Variants in ANK3 observed in about 807,000 individuals in gnomAD.
The protein encoded by ANK3 is ankyrin 3.
A neutral mutation model predicts 370.9 loss-of-function variants in ANK3; 57 were observed. That is an observed-to-expected ratio of 0.15 (90% CI 0.12 to 0.19). ANK3 has a LOEUF of 0.19. Ranked by LOEUF, ANK3 falls within the 10% of genes least tolerant of loss-of-function variation. The pLI, the probability that ANK3 is intolerant of heterozygous loss-of-function variation, is 1.00. For synonymous variants in ANK3, 1,929 were observed against 1,946.3 expected (o/e 0.99, Z 0.23); for missense variants, 4,439 against 5,302.1 (o/e 0.84, Z 5.06).
chr10:60,169,166 T>C (rs894554447), intron 21 of ANK3, among the ~76,000 whole-genome samples: 3 of 152,178 alleles, frequency 2.0e-5, no homozygotes, highest in Admixed American at 6.5e-5. Context: ...CCACCAACAG[T>C]GTAAAAGCAT....
chr10:60,229,501 C>G (rs543489773), intron 8 of ANK3, among the ~76,000 whole-genome samples: 2 of 152,062 alleles, frequency 1.3e-5, no homozygotes, highest in African/African-American at 4.8e-5. Context: ...TAGTATTTAA[C>G]CTGAGAAACA....
intron 1 of ANK3, among the ~76,000 whole-genome samples, chr10:60,693,882 G>C (rs1462934065): frequency 6.6e-6 from 1 of 152,114 alleles, no homozygotes; most frequent in African/African-American, 2.4e-5. Context: ...ACCAGCAATG[G>C]AACAAAGCTG....
At chr10:60,529,684 C>T (rs1371750586) in intron 2 of ANK3, among the ~76,000 whole-genome samples, 2 of 152,102 alleles carry the variant, frequency 1.3e-5, no homozygotes, top group Admixed American at 1.3e-4. Flanking sequence ...CAGCTAACAG[C>T]TTTTAGTCAT....
intron 2 of ANK3, among the ~76,000 whole-genome samples, chr10:60,516,268 G>T (rs1433425259): frequency 6.6e-6 from 1 of 152,076 alleles, no homozygotes; most frequent in Non-Finnish European, 1.5e-5. Flanking sequence ...AGAGAAAAAG[G>T]TATCAAGAAC....
chr10:60,547,661 A>T lies in ANK3; in HGVS notation c.96+67525T>A, dbSNP rs541072078. On this transcript the variant is annotated intron_variant, in intron 2 of 43. Transcript: ENST00000373827. ...GGGTGGGGAGGGTGGTGGTGGAGAC[A>T]GACAGAGAGACAGAGAGAGAGAGAC... 2.9e-3 allele frequency among the ~76,000 whole-genome samples: 376 copies of T among 127,504 alleles called. 2 individuals carry two copies. Among genetic ancestry groups the T allele is most frequent in the Non-Finnish European group, 4.3e-3 (251 of 58,944 alleles). The allele number at this position is 127,504 out of a possible 152,430, so 83.6% of individuals were successfully genotyped here. A position where few individuals can be genotyped will look rare whatever the true frequency, so the allele number is the denominator to read the frequency against.
intron 2 of ANK3, among the ~76,000 whole-genome samples, chr10:60,500,902 G>A (rs1017481037): frequency 6.6e-6 from 1 of 152,038 alleles, no homozygotes; most frequent in African/African-American, 2.4e-5. Context: ...TTTGATTGTG[G>A]TAATTATATC....
chr10:60,684,754 C>G lies in ANK3; in HGVS notation c.57+48509G>C. 7 of 1,570,712 alleles carry G rather than the reference C, an allele frequency of 4.5e-6. 1 individual carries two copies. The South Asian group carries it at 7.8e-5, about 17-fold the overall frequency. On this transcript the variant is annotated intron_variant, in intron 1 of 43. Transcript: ENST00000373827. ...TGTAGGTGGTCAGGAGAAATTAATG[C>G]CACTATGGAAGTCATATACCAGATG...
At chr10:60,641,648 T>A (rs1378710102) in intron 1 of ANK3, among the ~76,000 whole-genome samples, 2 of 152,120 alleles carry the variant, frequency 1.3e-5, no homozygotes, top group African/African-American at 4.8e-5. Context: ...GATTAAAGAC[T>A]TAAATGTTAG....
At chr10:60,591,362 T>C (rs2077911336) in intron 2 of ANK3, among the ~76,000 whole-genome samples, 1 of 150,732 alleles carries the variant, frequency 6.6e-6, no homozygotes, top group Non-Finnish European at 1.5e-5. Flanking sequence ...TGTGGCAGAG[T>C]CTTGCTCTGT....
At chr10:60,154,946 T>A (rs1323668210) in intron 23 of ANK3, among the ~76,000 whole-genome samples, 6 of 152,218 alleles carry the variant, frequency 3.9e-5, no homozygotes, top group Admixed American at 2.6e-4. Flanking sequence ...GTGTATATAG[T>A]TCTTTTGCCA....
chr10:60,440,674 CA>C (rs921533700), intron 2 of ANK3, among the ~76,000 whole-genome samples: 1 of 152,144 alleles, frequency 6.6e-6, no homozygotes, highest in African/African-American at 2.4e-5. Flanking sequence ...GACTCCCACC[CA>C]AGGATTCACT....
intron 1 of ANK3, among the ~76,000 whole-genome samples, chr10:60,298,533 T>C (rs1047242149): frequency 1.3e-5 from 2 of 152,210 alleles, no homozygotes; most frequent in African/African-American, 2.4e-5. Flanking sequence ...GGAACTTCTA[T>C]ATGATTCGTA....
At chr10:60,332,600 C>T (rs2051638921) in intron 1 of ANK3, among the ~76,000 whole-genome samples, 1 of 152,126 alleles carries the variant, frequency 6.6e-6, no homozygotes, top group Non-Finnish European at 1.5e-5. Context: ...TGTAAAGTGA[C>T]AACTGTCAGT....
Position 60,074,701 on chromosome 10 carries a change from A to G in ANK3, c.6180T>C (p.Gly2060=). ...KYKFEDAKKD[G]EERQKRVLKP... ...TTAAAACTCTTTTCTGTCTCTCCTCACCATCCTTCTTTGCATCCTCAAACT... is the reference window on the plus strand; with the variant it reads ...TTAAAACTCTTTTCTGTCTCTCCTCGCCATCCTTCTTTGCATCCTCAAACT... Residue 2060 remains glycine, a synonymous_variant, in exon 37 of 44, where the codon GGT becomes GGC. Coordinates refer to ENST00000280772, the MANE Select transcript of ANK3 (RefSeq NM_020987.5). The G allele has an allele frequency of 6.2e-7, 1 of 1,613,560 alleles. No homozygotes were observed.
chr10:60,360,737 A>G (rs1484242516), intron 1 of ANK3, among the ~76,000 whole-genome samples: 1 of 152,090 alleles, frequency 6.6e-6, no homozygotes, highest in African/African-American at 2.4e-5. Flanking sequence ...TTTTCCTTCT[A>G]GTGACAGGAT....
At chr10:60,228,095 G>T (rs932946162) in intron 8 of ANK3, among the ~76,000 whole-genome samples, 9 of 152,108 alleles carry the variant, frequency 5.9e-5, no homozygotes, top group Non-Finnish European at 8.8e-5. Flanking sequence ...TCATATATTT[G>T]AATAAAAATA....
chr10:60,710,412 T>C (rs2079687865), intron 1 of ANK3, among the ~76,000 whole-genome samples: 1 of 142,550 alleles, frequency 7.0e-6, no homozygotes, highest in South Asian at 2.6e-4. Flanking sequence ...GGTCTGTGTT[T>C]ATAAGTTTTG....
Position 60,059,319 on chromosome 10 carries a change from CTT to C in ANK3, c.12686+19_12686+20del. The C allele has an allele frequency of 6.2e-7, 1 of 1,603,892 alleles. No individual in the cohort carries two copies. Among genetic ancestry groups the C allele is most frequent in the Non-Finnish European group, 8.5e-7 (1 of 1,170,988 alleles). Reference sequence around the variant, plus strand: ...TAACAAGTAACCTGTGTTCACTTTCCTTTTTTTGAAACAGCCATACCTGTCAT... The same window carrying C: ...TAACAAGTAACCTGTGTTCACTTTCCTTTTTGAAACAGCCATACCTGTCAT... On this transcript the variant is annotated intron_variant, in intron 41 of 43. Transcript: ENST00000280772.
At chr10:60,391,443 C>A (rs2063091986), upstream of ANK3, among the ~76,000 whole-genome samples, 2 of 152,170 alleles carry the variant, frequency 1.3e-5, no homozygotes, top group Non-Finnish European at 2.9e-5. Context: ...TGTTTTTCTA[C>A]TAAGATATTT....
Sources: gnomAD v4.1 joint callset for allele counts (sites outside exome capture counted in the v4.1 genomes callset) on GRCh38, gnomAD v4.1.1 for gene constraint, MANE v1.5 for transcripts, NCBI Gene and HGNC (gene_info 2026-07-23, HGNC 2026-07-21) for gene names.